The following RBFOX3 variants were observed in gnomAD, a reference collection of about 807,000 sequenced individuals.
RBFOX3 encodes RNA binding fox-1 homolog 3.
Under a neutral mutation model 48.7 loss-of-function variants are expected in RBFOX3, and 17 were observed. That is an observed-to-expected ratio of 0.35 (90% confidence interval 0.24 to 0.52). The LOEUF is 0.52. Among genes scored for constraint, RBFOX3 ranks in the 20% least tolerant of loss-of-function variants. The pLI is 0.94. For missense variants in RBFOX3, 382 were observed against 497.5 expected (o/e 0.77, Z 2.21); for synonymous variants, 212 against 209.5 (o/e 1.01, Z -0.10).
intron 2 of RBFOX3, among the ~76,000 whole-genome samples, chr17:79,441,812 G>T (rs894692144): frequency 6.6e-6 from 1 of 152,160 alleles, no homozygotes; most frequent in Non-Finnish European, 1.5e-5. Context: ...CACAGGCCTC[G>T]GCCAGCCAGG....
At chr17:79,091,008 C>T (rs2073779796) in intron 14 of RBFOX3, 123 bp from the exon 15 acceptor site, 1 of 949,572 alleles carries the variant, frequency 1.1e-6, no homozygotes, top group Admixed American at 2.9e-5. Context: ...CACACCTGCC[C>T]CCCAGGTTTC....
intron 2 of RBFOX3, among the ~76,000 whole-genome samples, chr17:79,370,072 C>T (rs1791399552): frequency 1.3e-5 from 2 of 152,338 alleles, no homozygotes; most frequent in Middle Eastern, 3.4e-3. Context: ...CGCTGGCTTC[C>T]AGCCCTTCCT....
chr17:79,609,992 G>T (rs1301447209), intron 1 of RBFOX3, among the ~76,000 whole-genome samples: 1 of 151,860 alleles, frequency 6.6e-6, no homozygotes, highest in African/African-American at 2.4e-5. Context: ...CGCGCTGCTC[G>T]AGGCCCTGGG....
At chr17:79,393,956 G>T (rs1421774738) in intron 2 of RBFOX3, among the ~76,000 whole-genome samples, 2 of 151,274 alleles carry the variant, frequency 1.3e-5, no homozygotes, top group Non-Finnish European at 2.9e-5. Context: ...ATCTGAGCCG[G>T]TCACCACGCA....
chr17:79,292,841 A>G (rs1260974938), intron 3 of RBFOX3, among the ~76,000 whole-genome samples: 1 of 152,120 alleles, frequency 6.6e-6, no homozygotes, highest in African/African-American at 2.4e-5. Flanking sequence ...CATTCCCTTT[A>G]TATTAGGAAA....
chr17:79,180,316 T>G (rs931135391), intron 4 of RBFOX3, among the ~76,000 whole-genome samples: 2 of 152,190 alleles, frequency 1.3e-5, no homozygotes, highest in African/African-American at 4.8e-5. Flanking sequence ...AGTTGGTAAT[T>G]TCCAGTGTGA....
At chr17:79,288,491 G>A (rs117606645) in intron 3 of RBFOX3, among the ~76,000 whole-genome samples, 4,584 of 149,938 alleles carry the variant, frequency 0.031, 110 homozygotes, top group East Asian at 0.067. Context: ...CCCCCAGCCC[G>A]GCTTCCAGCC....
At chr17:79,407,928 C>T (rs896693240) in intron 2 of RBFOX3, among the ~76,000 whole-genome samples, 22 of 152,176 alleles carry the variant, frequency 1.4e-4, no homozygotes, top group Middle Eastern at 3.2e-3. Context: ...GGCCTGGAGT[C>T]GGAATGCAAA....
chr17:79,462,851 A>G (rs1902100510), intron 2 of RBFOX3, among the ~76,000 whole-genome samples: 1 of 152,204 alleles, frequency 6.6e-6, no homozygotes, highest in African/African-American at 2.4e-5. Context: ...GCCCAGACAC[A>G]GCGGTTATCT....
intron 1 of RBFOX3, among the ~76,000 whole-genome samples, chr17:79,591,864 T>C (rs1599240122): frequency 6.8e-6 from 1 of 147,490 alleles, no homozygotes; most frequent in Non-Finnish European, 1.5e-5. Flanking sequence ...GTGTGGAGGG[T>C]GTGTGGAGGC....
intron 2 of RBFOX3, among the ~76,000 whole-genome samples, chr17:79,310,099 T>C (rs932727070): frequency 6.6e-6 from 1 of 152,144 alleles, no homozygotes; most frequent in Admixed American, 6.5e-5. Flanking sequence ...GAATGAGGAA[T>C]GAGGGATGAA....
chr17:79,263,671 G>A (rs974568208), intron 3 of RBFOX3, among the ~76,000 whole-genome samples: 2 of 152,140 alleles, frequency 1.3e-5, no homozygotes, highest in Non-Finnish European at 1.5e-5. Flanking sequence ...CCCGAGCCCA[G>A]GCTCCATGAG....
At chr17:79,128,182 T>C (rs780894815) in intron 4 of RBFOX3, among the ~76,000 whole-genome samples, 3 of 152,152 alleles carry the variant, frequency 2.0e-5, no homozygotes, top group Non-Finnish European at 4.4e-5. Flanking sequence ...TTGGCCTCTA[T>C]TATGTTTGGC....
intron 2 of RBFOX3, among the ~76,000 whole-genome samples, chr17:79,310,075 C>CG (rs1555660644): frequency 6.6e-6 from 1 of 152,120 alleles, no homozygotes; most frequent in Non-Finnish European, 1.5e-5. Context: ...CCTGGCAAGC[C>CG]GCAGGTGCTC....
intron 4 of RBFOX3, chr17:79,233,754 C>T (rs1160743220): frequency 1.3e-5 from 2 of 152,142 alleles, no homozygotes; most frequent in African/African-American, 4.8e-5. Context: ...TTATAGGTGC[C>T]TGTCACCATG....
Position 79,392,371 on chromosome 17 carries a change from T to C in RBFOX3, c.-174-84547A>G, listed in dbSNP as rs902802049. On this transcript the variant is annotated intron_variant, in intron 2 of 14. Transcript: ENST00000693108. The surrounding 1 kb of genome is among the most constrained non-coding windows in gnomAD (Gnocchi z 5.0). ...GGCACGTGATTTCACCGTCTTTCAT[T>C]GTGGAGTTGTGAAGATTCATAAGCT... Among the ~76,000 whole-genome samples, 7 of 152,170 alleles carry C rather than the reference T, an allele frequency of 4.6e-5. No individual in the cohort carries two copies. The highest frequency in any genetic ancestry group is 1.4e-4 in the African/African-American group (6 of 41,446).
chr17:79,530,014 CAGA>C (rs1180574915), intron 1 of RBFOX3, among the ~76,000 whole-genome samples: 14 of 152,238 alleles, frequency 9.2e-5, no homozygotes, highest in African/African-American at 3.4e-4. Context: ...TGGCCCTTGA[CAGA>C]AGAAGTTCGC....
chr17:79,663,323 G>A, the RBFOX3 span, among the ~76,000 whole-genome samples: 2 of 152,178 alleles, frequency 1.3e-5, no homozygotes, highest in Non-Finnish European at 2.9e-5. Context: ...CTGATGCCAG[G>A]AAGAATGAAT....
intron 1 of RBFOX3, among the ~76,000 whole-genome samples, chr17:79,583,412 A>G: frequency 6.6e-6 from 1 of 152,322 alleles, no homozygotes; most frequent in East Asian, 1.9e-4. Flanking sequence ...AGACAGACAG[A>G]TGTCACGCAG....
Sources: gnomAD v4.1 joint callset for allele counts (sites outside exome capture counted in the v4.1 genomes callset) on GRCh38, gnomAD v4.1.1 for gene constraint, Gnocchi (gnomAD v3.1) non-coding constraint, MANE v1.5 for transcripts, NCBI Gene and HGNC (gene_info 2026-07-23, HGNC 2026-07-21) for gene names.